Variants in WSB2 observed in about 807,000 individuals in gnomAD.
The protein encoded by WSB2 is WD repeat and SOCS box containing 2.
WSB2 carries 12 observed loss-of-function variants against 48.8 expected under a neutral mutation model. The observed-to-expected ratio is 0.25, with a 90% CI of 0.16 to 0.40. The LOEUF (loss-of-function observed/expected upper bound fraction) is 0.40. Among genes scored for constraint, WSB2 ranks in the 10% least tolerant of loss-of-function variants. The pLI is 1.00. For missense variants in WSB2, 317 were observed against 506.2 expected (o/e 0.63, Z 3.59); for synonymous variants, 191 against 203.1 (o/e 0.94, Z 0.51).
intron 1 of WSB2, among the ~76,000 whole-genome samples, chr12:118,058,098 T>C (rs1381296077): frequency 6.6e-6 from 1 of 152,094 alleles, no homozygotes; most frequent in African/African-American, 2.4e-5. Flanking sequence ...TCAGGCTGAA[T>C]GGAAAGGTAT....
intron 1 of WSB2, among the ~76,000 whole-genome samples, chr12:118,056,308 A>T (rs2031956796): frequency 6.6e-6 from 1 of 152,002 alleles, no homozygotes; most frequent in African/African-American, 2.4e-5. Context: ...CATGCCCTTC[A>T]CCTGGAATGC....
In WSB2 at chr12:118,049,981, C is replaced by T. The variant is rs183301802; in HGVS notation, c.182+2329G>A. Among the ~76,000 whole-genome samples, 28 of 152,258 alleles carry T rather than the reference C, an allele frequency of 1.8e-4. 1 individual carries two copies. The highest frequency in any genetic ancestry group is 1.4e-3 in the East Asian group (7 of 5,184). Reference sequence around the variant, plus strand: ...ACTCTCAGTCCCTAACTCAGTGTTACGCAAAGAAACTATGTAACCAAGGCT... The same window carrying T: ...ACTCTCAGTCCCTAACTCAGTGTTATGCAAAGAAACTATGTAACCAAGGCT... On this transcript the variant is annotated intron_variant, in intron 2 of 8. Coordinates refer to ENST00000315436, the MANE Select transcript of WSB2 (RefSeq NM_018639.5).
intron 1 of WSB2, among the ~76,000 whole-genome samples, chr12:118,053,953 TA>T (rs1196113867): frequency 6.6e-6 from 1 of 152,194 alleles, no homozygotes; most frequent in Non-Finnish European, 1.5e-5. Context: ...GGATGTATCT[TA>T]TAATCAATGA....
chr12:118,039,790 T>C (rs11068781), intron 4 of WSB2, among the ~76,000 whole-genome samples: 109 of 151,810 alleles, frequency 7.2e-4, no homozygotes, highest in Non-Finnish European at 1.4e-3. Flanking sequence ...GTTGCCTAGG[T>C]GGGAGTGCAA....
chr12:118,052,539 C>G (rs2031874865), intron 1 of WSB2, 61 bp from the exon 2 acceptor site: 1 of 1,600,462 alleles, frequency 6.2e-7, no homozygotes, highest in African/African-American at 1.3e-5. Context: ...CACCCAGACA[C>G]AGGAAAGCCA....
intron 2 of WSB2, among the ~76,000 whole-genome samples, chr12:118,044,930 G>T (rs555711078): frequency 2.6e-5 from 4 of 152,252 alleles, no homozygotes; most frequent in Admixed American, 6.5e-5. Context: ...CAATGCATAC[G>T]TAGTTGAACA....
At chr12:118,041,894 A>G (rs556797701) in intron 4 of WSB2, among the ~76,000 whole-genome samples, 66 of 151,710 alleles carry the variant, frequency 4.4e-4, no homozygotes, top group South Asian at 1.7e-3. Flanking sequence ...AGCTGGGACT[A>G]CAGGCGCCCA....
chr12:118,052,567 A>G, intron 1 of WSB2, 89 bp from the exon 2 acceptor site: 1 of 1,567,362 alleles, frequency 6.4e-7, no homozygotes, highest in Non-Finnish European at 8.6e-7. Context: ...CCTGTGGCAA[A>G]GAGCCACACT....
intron 4 of WSB2, 119 bp downstream of exon 4, chr12:118,042,722 G>A: frequency 1.3e-6 from 2 of 1,494,018 alleles, no homozygotes; most frequent in Non-Finnish European, 1.8e-6. Context: ...GCTCCTTAAG[G>A]GGCAATCACA....
intron 1 of WSB2, among the ~76,000 whole-genome samples, chr12:118,054,681 AAATAATAATAATAAT>A (rs57072102): frequency 3.1e-5 from 4 of 130,598 alleles, no homozygotes; most frequent in Non-Finnish European, 4.9e-5. Context: ...CTGTCTCAAA[AAATAATAATAATAAT>A]AATAATAATA....
chr12:118,060,176 G>T lies in WSB2; in HGVS notation c.13+860C>A, dbSNP rs994452493. Among the ~76,000 whole-genome samples the T allele has an allele frequency of 6.6e-6, 1 of 152,166 alleles. No individual in the cohort carries two copies. The highest frequency in any genetic ancestry group is 2.4e-5 in the African/African-American group (1 of 41,452). On this transcript the variant is annotated intron_variant, in intron 1 of 8. Transcript: ENST00000315436. This position sits in a 1 kb window ranked among gnomAD's most constrained non-coding sequence, Gnocchi z 4.1. ...AGGGAAGGTCGTTGGAGGGGAGAGG[G>T]CCAAGGCGTGCATGCGTCTTGGGGT...
intron 1 of WSB2, among the ~76,000 whole-genome samples, chr12:118,053,288 A>T (rs183266018): frequency 6.6e-6 from 1 of 152,122 alleles, no homozygotes; most frequent in African/African-American, 2.4e-5. Flanking sequence ...CTGGCCACAA[A>T]ATCTCCTTGA....
intron 2 of WSB2, among the ~76,000 whole-genome samples, chr12:118,049,137 T>A (rs2031801202): frequency 2.0e-5 from 3 of 152,232 alleles, no homozygotes; most frequent in Admixed American, 2.0e-4. Context: ...AGTCTAGAAA[T>A]GAAGGTGCAT....
At chr12:118,042,276 GGGA>G (rs2137775802) in intron 4 of WSB2, among the ~76,000 whole-genome samples, 1 of 152,292 alleles carries the variant, frequency 6.6e-6, no homozygotes, top group South Asian at 2.1e-4. Flanking sequence ...TCTCAACCTG[GGGA>G]GACCTTGCCC....
Position 118,056,704 on chromosome 12 carries a change from C to T in WSB2, c.14-4226G>A, listed in dbSNP as rs181849713. 6.6e-5 allele frequency among the ~76,000 whole-genome samples: 10 copies of T among 152,226 alleles called. No homozygotes were observed. The East Asian group carries it at 1.7e-3, about 26-fold the overall frequency. ...TCACTTGGGGCCAGGAGTTCAAGAC[C>T]AGCCTGGCCAACGTGGTGAAACCCC... is the stretch of plus-strand genomic sequence containing the variant. On this transcript the variant is annotated intron_variant, in intron 1 of 8. Coordinates refer to ENST00000315436, the MANE Select transcript of WSB2 (RefSeq NM_018639.5).
rs997319699 is a variant in WSB2 at position 118,038,900 on chromosome 12, C to T, written c.560-512G>A. 2.0e-5 allele frequency among the ~76,000 whole-genome samples: 3 copies of T among 152,038 alleles called. No individual in the cohort carries two copies. The South Asian group carries it at 6.2e-4, about 31-fold the overall frequency. ...TTCACCATATTGGCCAGGCTGGTCT[C>T]GGACACCTGACCTCAGGTGCTGATC... On this transcript the variant is annotated intron_variant, in intron 4 of 8. Coordinates refer to ENST00000315436, the MANE Select transcript of WSB2 (RefSeq NM_018639.5).
Position 118,033,716 on chromosome 12 carries a change from C to G in WSB2, c.*480G>C, listed in dbSNP as rs189185249. 1 of 154,182 alleles carries G rather than the reference C, an allele frequency of 6.5e-6. No individual in the cohort carries two copies. Among genetic ancestry groups the G allele is most frequent in the African/African-American group, 2.4e-5 (1 of 41,538 alleles). 9.6% of individuals were successfully genotyped at this position (154,182 alleles called of 1,614,324 possible). ...AAGAAGAAAAGCACTTGGCCAACATCGAAGCAACTCTGACCACAGCAGGAG... is the reference window on the plus strand; with the variant it reads ...AAGAAGAAAAGCACTTGGCCAACATGGAAGCAACTCTGACCACAGCAGGAG... On this transcript the variant is annotated 3_prime_UTR_variant, in exon 9 of 9. Transcript: ENST00000315436.
At position 118,052,483 on chromosome 12, in the gene WSB2, G is replaced by T. The variant is rs993449772; in HGVS notation, c.14-5C>A. 1 of 1,613,832 alleles carries T rather than the reference G, an allele frequency of 6.2e-7. No homozygotes were observed. Among genetic ancestry groups the T allele is most frequent in the South Asian group, 1.1e-5 (1 of 91,042 alleles). On this transcript the variant is annotated splice_polypyrimidine_tract_variant and splice_region_variant and intron_variant, in intron 1 of 8. Coordinates refer to ENST00000315436, the MANE Select transcript of WSB2 (RefSeq NM_018639.5). ...CGGCCAGCAGCAGCGGTTCCTCTGG[G>T]GCAGGAGACAACATGCTTCAAACAC...
intron 8 of WSB2, 159 bp downstream of exon 8, chr12:118,034,827 G>T: frequency 1.5e-6 from 1 of 668,422 alleles, no homozygotes; most frequent in Non-Finnish European, 2.5e-6. Context: ...ATGGGACACC[G>T]TTATTAGCAA....
Sources: gnomAD v4.1 joint callset for allele counts (sites outside exome capture counted in the v4.1 genomes callset) on GRCh38, gnomAD v4.1.1 for gene constraint, Gnocchi (gnomAD v3.1) non-coding constraint, MANE v1.5 for transcripts, NCBI Gene and HGNC (gene_info 2026-07-23, HGNC 2026-07-21) for gene names.